SPADH: variants seen among roughly 807,000 people sequenced by gnomAD.
SPADH encodes the protein CUB domain-containing protein.
the SPADH span, among the ~76,000 whole-genome samples, chr10:122,677,875 G>A: frequency 0.029 from 4,354 of 152,316 alleles, 97 homozygotes; most frequent in East Asian, 0.12. Flanking sequence ...CCCAGATGGG[G>A]AAACAAGGAG....
At chr10:122,676,746 C>A in the SPADH span, 1 of 985,274 alleles carries the variant, frequency 1.0e-6, no homozygotes, top group Non-Finnish European at 1.2e-6. Context: ...CCCCGTTTCT[C>A]CTCTTGTAGC....
At chr10:122,676,900 TG>T in the SPADH span, 2 of 985,374 alleles carry the variant, frequency 2.0e-6, no homozygotes, top group South Asian at 9.4e-5. Flanking sequence ...AAGTGAGTAC[TG>T]GGGTTGTGAG....
At chr10:122,674,005 AG>A in the SPADH span, among the ~76,000 whole-genome samples, 4 of 152,348 alleles carry the variant, frequency 2.6e-5, no homozygotes, top group East Asian at 7.7e-4. Context: ...GTGAGGCCTT[AG>A]GGCAACTGGT....
the SPADH span, among the ~76,000 whole-genome samples, chr10:122,674,966 G>C: frequency 6.6e-6 from 1 of 152,208 alleles, no homozygotes; most frequent in Non-Finnish European, 1.5e-5. Flanking sequence ...CTAGATCATA[G>C]CCTGACAATG....
the SPADH span, chr10:122,676,930 G>T: frequency 3.0e-5 from 30 of 984,970 alleles, no homozygotes; most frequent in African/African-American, 5.1e-4. Context: ...GATGTTGTTG[G>T]TATTTCTAGG....
At chr10:122,676,216 A>T in the SPADH span, among the ~76,000 whole-genome samples, 1 of 152,226 alleles carries the variant, frequency 6.6e-6, no homozygotes, top group Non-Finnish European at 1.5e-5. Flanking sequence ...GTTGCTGGGC[A>T]CAAGCTAAGT....
chr10:122,674,685 A>G, the SPADH span, among the ~76,000 whole-genome samples: 1 of 152,228 alleles, frequency 6.6e-6, no homozygotes, highest in African/African-American at 2.4e-5. Flanking sequence ...CTTAGTAAAG[A>G]AACATCATCT....
chr10:122,675,719 A>G, the SPADH span: 143 of 867,674 alleles, frequency 1.6e-4, 1 homozygote, highest in African/African-American at 2.5e-3. Context: ...TCACACAGAG[A>G]CACTGTTTTG....
the SPADH span, among the ~76,000 whole-genome samples, chr10:122,678,465 G>T: frequency 1.3e-5 from 2 of 152,130 alleles, no homozygotes; most frequent in African/African-American, 2.4e-5. Context: ...CAGAGGTTGT[G>T]GTTTAAGGAA....
chr10:122,678,358 T>C, the SPADH span, among the ~76,000 whole-genome samples: 1 of 152,174 alleles, frequency 6.6e-6, no homozygotes, highest in Non-Finnish European at 1.5e-5. Flanking sequence ...TGGGGGGTCA[T>C]GCTTCACCTC....
chr10:122,676,464 C>T, the SPADH span, among the ~76,000 whole-genome samples: 20 of 152,302 alleles, frequency 1.3e-4, no homozygotes, highest in South Asian at 8.3e-4. Flanking sequence ...GTTCACTAAT[C>T]GGGCAATACG....
At chr10:122,675,592 T>A in the SPADH span, 2 of 885,326 alleles carry the variant, frequency 2.3e-6, no homozygotes, top group Non-Finnish European at 2.7e-6. Flanking sequence ...TTTCACCCAT[T>A]GGTAAGTTCA....
At chr10:122,678,224 A>G in the SPADH span, among the ~76,000 whole-genome samples, 1 of 152,044 alleles carries the variant, frequency 6.6e-6, no homozygotes, top group African/African-American at 2.4e-5. Context: ...AAGCACAGGG[A>G]GGAGAGGGAA....
chr10:122,678,568 A>G, the SPADH span, among the ~76,000 whole-genome samples: 1 of 152,138 alleles, frequency 6.6e-6, no homozygotes. Flanking sequence ...TCCTAGGGCC[A>G]TGGGCTGGGC....
the SPADH span, among the ~76,000 whole-genome samples, chr10:122,674,278 GA>G: frequency 3.0e-4 from 45 of 152,330 alleles, no homozygotes; most frequent in East Asian, 8.7e-3. Context: ...AGCAAATTTA[GA>G]AAAGTTCATT....
chr10:122,676,807 A>G, the SPADH span: 1 of 985,336 alleles, frequency 1.0e-6, no homozygotes, highest in African/African-American at 1.7e-5. Context: ...AGGATCTTCA[A>G]CTACGCTGGG....
chr10:122,678,967 C>T, the SPADH span: 2 of 984,962 alleles, frequency 2.0e-6, no homozygotes, highest in South Asian at 4.7e-5. Flanking sequence ...ACATCATCAC[C>T]ATCAAGTACT....
the SPADH span, among the ~76,000 whole-genome samples, chr10:122,675,899 C>G: frequency 1.3e-5 from 2 of 152,226 alleles, no homozygotes; most frequent in Non-Finnish European, 2.9e-5. Context: ...TCCAAGCCCC[C>G]CCGAAGTCTC....
chr10:122,675,804 G>A, the SPADH span: 1 of 206,110 alleles, frequency 4.9e-6, no homozygotes, highest in Admixed American at 6.5e-5. Flanking sequence ...CTTGGTAATT[G>A]GATTCAGCCT....
Sources: gnomAD v4.1 joint callset for allele counts (sites outside exome capture counted in the v4.1 genomes callset) on GRCh38, gnomAD v4.1.1 for gene constraint, MANE v1.5 for transcripts, NCBI Gene and HGNC (gene_info 2026-07-23, HGNC 2026-07-21) for gene names.